PPM1L: variants seen among roughly 807,000 people sequenced by gnomAD.
PPM1L encodes the protein protein phosphatase, Mg2+/Mn2+ dependent 1L, also known as protein phosphatase 1L.
PPM1L carries 13 observed loss-of-function variants against 31.4 expected under a neutral mutation model. The observed-to-expected ratio is 0.41, with a 90% CI of 0.27 to 0.66. The LOEUF is 0.66. Among genes scored for constraint, PPM1L ranks in the 30% least tolerant of loss-of-function variants. PPM1L has a pLI of 0.29. For synonymous variants in PPM1L, 184 were observed against 175.4 expected (o/e 1.05, Z -0.39); for missense variants, 326 against 453.7 (o/e 0.72, Z 2.56).
At chr3:160,865,502 G>A (rs562659240) in intron 1 of PPM1L, among the ~76,000 whole-genome samples, 5 of 152,286 alleles carry the variant, frequency 3.3e-5, no homozygotes, top group South Asian at 2.1e-4. Flanking sequence ...TTGGCCGTGC[G>A]TGGTGGCTCA....
chr3:161,055,750 TGCCAC>T (rs993294648), intron 2 of PPM1L, among the ~76,000 whole-genome samples: 1 of 151,932 alleles, frequency 6.6e-6, no homozygotes, highest in African/African-American at 2.4e-5. Context: ...CCTCACCCCT[TGCCAC>T]CCCTTCCTTA....
intron 1 of PPM1L, among the ~76,000 whole-genome samples, chr3:160,860,000 A>C (rs1250090511): frequency 1.3e-5 from 2 of 152,184 alleles, no homozygotes; most frequent in African/African-American, 4.8e-5. Flanking sequence ...GTGATATGAA[A>C]TGTGAAGGCA....
At chr3:160,967,593 A>G (rs1007232667) in intron 2 of PPM1L, among the ~76,000 whole-genome samples, 2 of 152,086 alleles carry the variant, frequency 1.3e-5, no homozygotes, top group Admixed American at 1.3e-4. Context: ...CCCCCACCTC[A>G]TAATACCATC....
At chr3:160,962,889 C>T (rs1311488683) in intron 2 of PPM1L, among the ~76,000 whole-genome samples, 1 of 151,950 alleles carries the variant, frequency 6.6e-6, no homozygotes, top group Admixed American at 6.6e-5. Context: ...ATATTCCACC[C>T]TCTAACCCCT....
At chr3:161,015,085 A>G (rs1453719815) in intron 2 of PPM1L, among the ~76,000 whole-genome samples, 2 of 150,556 alleles carry the variant, frequency 1.3e-5, no homozygotes, top group Non-Finnish European at 3.0e-5. Context: ...GGAGTAGCAA[A>G]GGGGGGTGAA....
chr3:160,885,612 G>A (rs1712887550), intron 1 of PPM1L, among the ~76,000 whole-genome samples: 1 of 152,016 alleles, frequency 6.6e-6, no homozygotes, highest in African/African-American at 2.4e-5. Context: ...CCACCTGAGA[G>A]CCACACGGGG....
At chr3:160,884,833 T>G (rs545365721) in intron 1 of PPM1L, among the ~76,000 whole-genome samples, 2 of 152,330 alleles carry the variant, frequency 1.3e-5, no homozygotes, top group South Asian at 4.1e-4. Flanking sequence ...ACTCATAAAC[T>G]TCTAAGAAAG....
chr3:160,977,394 C>T (rs933176585), intron 2 of PPM1L, among the ~76,000 whole-genome samples: 3 of 152,164 alleles, frequency 2.0e-5, no homozygotes, highest in East Asian at 1.9e-4. Context: ...GTTCTGGCTA[C>T]GTGCCGAGAG....
intron 2 of PPM1L, among the ~76,000 whole-genome samples, chr3:160,979,048 G>A (rs1171492078): frequency 6.6e-6 from 1 of 151,942 alleles, no homozygotes; most frequent in South Asian, 2.1e-4. Context: ...TATAGCAGAA[G>A]ATGAAAGAAA....
At chr3:160,772,414 T>C (rs1715281528) in intron 1 of PPM1L, among the ~76,000 whole-genome samples, 1 of 152,204 alleles carries the variant, frequency 6.6e-6, no homozygotes, top group African/African-American at 2.4e-5. Context: ...AGTGCTTGGC[T>C]GGTGTTCCTC....
chr3:160,784,834 T>A (rs1711858153), intron 1 of PPM1L, among the ~76,000 whole-genome samples: 1 of 152,148 alleles, frequency 6.6e-6, no homozygotes, highest in South Asian at 2.1e-4. Context: ...TTGTCCCAGA[T>A]AAACCTTATT....
chr3:161,033,164 A>G (rs961689967), intron 2 of PPM1L, among the ~76,000 whole-genome samples: 1 of 152,192 alleles, frequency 6.6e-6, no homozygotes, highest in Non-Finnish European at 1.5e-5. Context: ...AAGGAGAACT[A>G]CAAACCACTG....
chr3:161,000,509 A>G (rs1050995750), intron 2 of PPM1L, among the ~76,000 whole-genome samples: 2 of 152,212 alleles, frequency 1.3e-5, no homozygotes, highest in Admixed American at 1.3e-4. Flanking sequence ...CATAACCAGT[A>G]AGCAAGGTCA....
chr3:160,819,827 T>TA (rs963767387), intron 1 of PPM1L, among the ~76,000 whole-genome samples: 1 of 151,960 alleles, frequency 6.6e-6, no homozygotes, highest in Non-Finnish European at 1.5e-5. Flanking sequence ...TTGTTATTTT[T>TA]AAAAAAATAG....
At chr3:160,987,641 T>C (rs1229434545) in intron 2 of PPM1L, among the ~76,000 whole-genome samples, 1 of 152,160 alleles carries the variant, frequency 6.6e-6, no homozygotes, top group East Asian at 1.9e-4. Flanking sequence ...CCCAGGCCTT[T>C]GAAAGTGCTT....
chr3:160,756,752 CGTGTGTGTGTGTGTGTGTGTGTGT>C lies in PPM1L; in HGVS notation c.399+60_399+83del, dbSNP rs113273287. On this transcript the variant is annotated intron_variant, in intron 1 of 3. Coordinates refer to ENST00000498165, the MANE Select transcript of PPM1L (RefSeq NM_139245.4). The surrounding 1 kb of genome is among the most constrained non-coding windows in gnomAD (Gnocchi z 6.2). Reference sequence around the variant, plus strand: ...TTTGTATTTGTGTCCGTGTATGTCTCGTGTGTGTGTGTGTGTGTGTGTGTGTGTGTGTGTGTGTATAAACAACAG... The same window carrying C: ...TTTGTATTTGTGTCCGTGTATGTCTCGTGTGTGTGTGTGTATAAACAACAG... The C allele has an allele frequency of 1.3e-5, 13 of 1,016,692 alleles. No individual in the cohort carries two copies. Among genetic ancestry groups the C allele is most frequent in the African/African-American group, 1.8e-5 (1 of 55,394 alleles). 63.0% of individuals were successfully genotyped at this position (1,016,692 alleles called of 1,614,324 possible). A position where few individuals can be genotyped will look rare whatever the true frequency, so the allele number is the denominator to read the frequency against.
At chr3:160,971,322 A>G (rs1423867955) in intron 2 of PPM1L, among the ~76,000 whole-genome samples, 1 of 152,148 alleles carries the variant, frequency 6.6e-6, no homozygotes, top group African/African-American at 2.4e-5. Flanking sequence ...TGGTTCATTC[A>G]TTTATTCACT....
intron 2 of PPM1L, among the ~76,000 whole-genome samples, chr3:161,013,652 G>A (rs953175308): frequency 1.3e-5 from 2 of 152,048 alleles, no homozygotes; most frequent in Admixed American, 1.3e-4. Context: ...TTATTGTGTG[G>A]GAATCTAAGT....
intron 1 of PPM1L, among the ~76,000 whole-genome samples, chr3:160,818,481 C>T (rs891832183): frequency 1.3e-5 from 2 of 151,974 alleles, no homozygotes; most frequent in Non-Finnish European, 2.9e-5. Flanking sequence ...CAGTTCTTTA[C>T]CCAACTTAGT....
Sources: gnomAD v4.1 joint callset for allele counts (sites outside exome capture counted in the v4.1 genomes callset) on GRCh38, gnomAD v4.1.1 for gene constraint, Gnocchi (gnomAD v3.1) non-coding constraint, MANE v1.5 for transcripts, NCBI Gene and HGNC (gene_info 2026-07-23, HGNC 2026-07-21) for gene names.